Variants in UGGT2 observed in about 807,000 individuals in gnomAD.
UGGT2 encodes UDP-glucose:glycoprotein glucosyltransferase 2.
A neutral mutation model predicts 192.1 loss-of-function variants in UGGT2; 180 were observed. That is an observed-to-expected ratio of 0.94 (90% CI 0.83 to 1.06). The LOEUF (loss-of-function observed/expected upper bound fraction) is 1.06. UGGT2 is among the 50% of genes least tolerant of loss of function. The pLI is 0.00. For missense variants in UGGT2, 1,849 were observed against 1,795.7 expected (o/e 1.03, Z -0.54); for synonymous variants, 580 against 591.0 (o/e 0.98, Z 0.27).
At chr13:95,856,736 A>T (rs1889658338) in intron 33 of UGGT2, 1 of 353,844 alleles carries the variant, frequency 2.8e-6, no homozygotes, top group South Asian at 2.3e-5. Context: ...GGTTGGTCAG[A>T]GATGTAAAGA....
intron 6 of UGGT2, 29 bp downstream of exon 6, chr13:95,999,182 C>T (rs774746579): frequency 1.3e-6 from 2 of 1,583,030 alleles, no homozygotes; most frequent in South Asian, 2.2e-5. Flanking sequence ...ACTTTTCATT[C>T]TACTCAAGTA....
intron 2 of UGGT2, among the ~76,000 whole-genome samples, chr13:96,029,008 G>T (rs1030378850): frequency 6.6e-6 from 1 of 151,820 alleles, no homozygotes; most frequent in Non-Finnish European, 1.5e-5. Flanking sequence ...AAAATTAGCC[G>T]GGCGTGGTGG....
intron 2 of UGGT2, among the ~76,000 whole-genome samples, chr13:96,026,733 G>T (rs936379765): frequency 6.9e-6 from 1 of 145,970 alleles, no homozygotes; most frequent in African/African-American, 2.5e-5. Context: ...CTGCAGTGGC[G>T]CAATCTCGGC....
intron 38 of UGGT2, among the ~76,000 whole-genome samples, chr13:95,815,752 T>C (rs1254968407): frequency 6.6e-6 from 1 of 152,126 alleles, no homozygotes; most frequent in East Asian, 1.9e-4. Flanking sequence ...GCAAAAAAAC[T>C]TATAATATAC....
At chr13:95,861,320 T>C (rs1890146284) in intron 31 of UGGT2, among the ~76,000 whole-genome samples, 1 of 152,132 alleles carries the variant, frequency 6.6e-6, no homozygotes, top group South Asian at 2.1e-4. Flanking sequence ...CTGATGGGGC[T>C]CATCCAGGCT....
chr13:95,927,410 C>G (rs2049054800), intron 17 of UGGT2, 74 bp from the exon 18 acceptor site: 16 of 1,224,670 alleles, frequency 1.3e-5, no homozygotes, highest in Non-Finnish European at 1.8e-5. Flanking sequence ...GCAGATAACA[C>G]AAAGATTACT....
At chr13:95,989,060 A>C (rs1326623216) in intron 8 of UGGT2, among the ~76,000 whole-genome samples, 2 of 152,104 alleles carry the variant, frequency 1.3e-5, no homozygotes, top group African/African-American at 4.8e-5. Context: ...GGAAATGAGG[A>C]GTGACTGCTA....
chr13:95,810,693 GT>G (rs1025121886), intron 38 of UGGT2, among the ~76,000 whole-genome samples: 1 of 152,122 alleles, frequency 6.6e-6, no homozygotes, highest in Non-Finnish European at 1.5e-5. Flanking sequence ...GTTCAAACCT[GT>G]GTTGTTAAAG....
intron 8 of UGGT2, 79 bp downstream of exon 8, chr13:95,989,891 TATC>T: frequency 1.2e-6 from 1 of 854,776 alleles, no homozygotes; most frequent in South Asian, 2.2e-5. Flanking sequence ...AAATAATCTA[TATC>T]ATGTGATATA....
chr13:95,967,843 T>C (rs1350240215), intron 12 of UGGT2, among the ~76,000 whole-genome samples: 2 of 152,214 alleles, frequency 1.3e-5, no homozygotes, highest in African/African-American at 2.4e-5. Context: ...TCAATAGGTA[T>C]TGAGATATTA....
intron 33 of UGGT2, 73 bp from the exon 34 acceptor site, chr13:95,856,413 T>C: frequency 6.6e-7 from 1 of 1,515,072 alleles, no homozygotes. Context: ...AAAAATAACA[T>C]TAAAAAGGTA....
At chr13:95,904,672 C>T (rs1254590917) in intron 20 of UGGT2, among the ~76,000 whole-genome samples, 1 of 152,088 alleles carries the variant, frequency 6.6e-6, no homozygotes, top group Non-Finnish European at 1.5e-5. Flanking sequence ...ATATGTGCCA[C>T]ATTTTCTTAA....
In UGGT2 at chr13:95,854,380, A is replaced by G; in HGVS notation, c.4104T>C (p.Asp1368=). The change falls in exon 35 of 39, where the codon GAT becomes GAC. Residue 1368 remains aspartate, a synonymous_variant. Transcript: ENST00000376747. The stretch of plus-strand genomic sequence containing the variant: ...ATCCTGTTTTCCAGAAACGATATCC[A>G]TCCATTTCCCTGCGGCTATCACAAA... ...TPFCDSRREM[D]GYRFWKTGYW... is the part of the protein sequence containing the mutation. 6.2e-7 allele frequency: 1 copy of G among 1,613,924 alleles called. No homozygotes were observed. The highest frequency in any genetic ancestry group is 8.5e-7 in the Non-Finnish European group (1 of 1,179,914).
At chr13:96,016,704 G>T (rs2052348571) in intron 4 of UGGT2, among the ~76,000 whole-genome samples, 1 of 152,212 alleles carries the variant, frequency 6.6e-6, no homozygotes, top group African/African-American at 2.4e-5. Flanking sequence ...ATTCTACTAG[G>T]GCAGTGCATA....
chr13:95,904,708 C>A (rs553193836), intron 20 of UGGT2, among the ~76,000 whole-genome samples: 1 of 151,920 alleles, frequency 6.6e-6, no homozygotes, highest in Non-Finnish European at 1.5e-5. Context: ...TTGGACATTT[C>A]GGTTGGTTCC....
intron 4 of UGGT2, among the ~76,000 whole-genome samples, chr13:96,020,422 T>C (rs2052480228): frequency 6.6e-6 from 1 of 152,234 alleles, no homozygotes; most frequent in Non-Finnish European, 1.5e-5. Context: ...TTGTTTCTGC[T>C]GGACCACCTG....
At chr13:95,925,125 T>C (rs371931192) in intron 20 of UGGT2, among the ~76,000 whole-genome samples, 2 of 152,244 alleles carry the variant, frequency 1.3e-5, no homozygotes, top group African/African-American at 4.8e-5. Flanking sequence ...GATAAACTTA[T>C]ATATTAACTT....
At chr13:95,836,497 T>C (rs1186213166) in intron 37 of UGGT2, among the ~76,000 whole-genome samples, 1 of 152,196 alleles carries the variant, frequency 6.6e-6, no homozygotes, top group Non-Finnish European at 1.5e-5. Context: ...CACCATTCCT[T>C]TATAAGAGTA....
intron 12 of UGGT2, among the ~76,000 whole-genome samples, chr13:95,968,745 C>T (rs931533238): frequency 3.3e-5 from 5 of 152,042 alleles, no homozygotes; most frequent in African/African-American, 1.2e-4. Context: ...TTATGAATTA[C>T]CCAGTCTCAG....
Sources: allele counts gnomAD v4.1 joint callset (sites outside exome capture counted in the v4.1 genomes callset), GRCh38; gene constraint gnomAD v4.1.1; transcripts MANE v1.5; gene names NCBI Gene and HGNC (gene_info 2026-07-23, HGNC 2026-07-21).